ILDR1: variants seen among roughly 807,000 people sequenced by gnomAD.
The protein encoded by ILDR1 is immunoglobulin-like domain-containing receptor 1.
In ILDR1, 56 loss-of-function variants were observed where a neutral mutation model predicts 62.4. The observed-to-expected ratio is 0.90, with a 90% CI of 0.72 to 1.12. The LOEUF (loss-of-function observed/expected upper bound fraction) is 1.12, where lower values mean the gene tolerates loss of function less well. Among genes scored for constraint, ILDR1 ranks in the 50% most tolerant of loss-of-function variants. The pLI, the probability that ILDR1 is intolerant of heterozygous loss-of-function variation, is 0.00. For missense variants in ILDR1, 736 were observed against 710.6 expected, an observed-to-expected ratio of 1.04 and a Z score of -0.41; for synonymous variants, 284 against 277.8, an observed-to-expected ratio of 1.02 and a Z score of -0.22.
At chr3:122,007,812 TTC>T (rs2071638421) in intron 1 of ILDR1, among the ~76,000 whole-genome samples, 1 of 152,208 alleles carries the variant, frequency 6.6e-6, no homozygotes, top group Non-Finnish European at 1.5e-5. Flanking sequence ...GGGTTTCTAC[TTC>T]TGTCTACCCC....
intron 5 of ILDR1, among the ~76,000 whole-genome samples, chr3:121,995,293 G>A (rs1184997405): frequency 6.6e-6 from 1 of 152,212 alleles, no homozygotes; most frequent in Non-Finnish European, 1.5e-5. Flanking sequence ...GCCTCAGTGT[G>A]AACGAGGTTA....
the ILDR1 span, among the ~76,000 whole-genome samples, chr3:122,056,590 C>T: frequency 6.6e-6 from 1 of 152,168 alleles, no homozygotes. Context: ...CCTCGGCCTC[C>T]CAAAGTGCTG....
At chr3:122,027,963 C>A in the ILDR1 span, among the ~76,000 whole-genome samples, 2 of 152,138 alleles carry the variant, frequency 1.3e-5, no homozygotes, top group African/African-American at 4.8e-5. Context: ...TCTTTGGGAT[C>A]TGATGCTATC....
In ILDR1 at chr3:121,993,872, G is replaced by T. The variant is rs534416684; in HGVS notation, c.877C>A (p.Leu293Met). ...NGVLEYLEKELRNLNLAQPLP... is the reference protein window; with the variant it reads ...NGVLEYLEKEMRNLNLAQPLP... ...GGCTGGGCCAGGTTGAGGTTCCGCA[G>T]TTCTTTCTCCAAATACTCCAGGACA... The change falls in exon 7 of 8, where the codon CTG (leucine) becomes ATG (methionine). Residue 293 changes from leucine (L) to methionine (M), a missense_variant. Leu to Met is a conservative substitution (Grantham distance 15). Transcript: ENST00000344209. 6.2e-7 allele frequency: 1 copy of T among 1,614,130 alleles called. No homozygotes were observed. Among genetic ancestry groups the T allele is most frequent in the South Asian group, 1.1e-5 (1 of 91,082 alleles).
the ILDR1 span, among the ~76,000 whole-genome samples, chr3:122,030,772 T>C: frequency 6.6e-6 from 1 of 152,154 alleles, no homozygotes; most frequent in African/African-American, 2.4e-5. Context: ...AAATATCCTA[T>C]TCTTTCCAGC....
the ILDR1 span, among the ~76,000 whole-genome samples, chr3:122,054,092 G>C: frequency 6.6e-6 from 1 of 152,136 alleles, no homozygotes; most frequent in African/African-American, 2.4e-5. Flanking sequence ...CTTATTTGAA[G>C]ATTAATAATT....
the ILDR1 span, among the ~76,000 whole-genome samples, chr3:122,045,913 T>C: frequency 1.4e-4 from 21 of 151,452 alleles, 1 homozygote; most frequent in East Asian, 9.6e-4. Context: ...ATTTAGTCCA[T>C]TTACATTTAA....
chr3:122,026,435 G>A (rs2071921704), upstream of ILDR1, among the ~76,000 whole-genome samples: 1 of 152,202 alleles, frequency 6.6e-6, no homozygotes, highest in South Asian at 2.1e-4. Flanking sequence ...TGTGGGGGTT[G>A]AGACAAGGAT....
Position 121,993,381 on chromosome 3 carries a change from A to G in ILDR1, c.1368T>C (p.Thr456=). The G allele has an allele frequency of 6.2e-7, 1 of 1,611,850 alleles. No homozygotes were observed. Among genetic ancestry groups the G allele is most frequent in the East Asian group, 2.2e-5 (1 of 44,832 alleles). Residue 456 remains threonine (T), a synonymous_variant, in exon 7 of 8, where the codon ACT becomes ACC. Coordinates refer to ENST00000344209, the MANE Select transcript of ILDR1 (RefSeq NM_001199799.2). ...GCCTGCGTCGTCTCCCGTGCCTCTG[A>G]GTGCTCTCCCGGGGGCTGGGCCTGC... ...RPRRPSPRES[T]QRHGRRRRHR...
At chr3:122,016,357 C>T (rs996259324) in intron 1 of ILDR1, among the ~76,000 whole-genome samples, 4 of 152,212 alleles carry the variant, frequency 2.6e-5, no homozygotes, top group African/African-American at 4.8e-5. Flanking sequence ...ATAAGCACCA[C>T]GGGGGCCAGG....
chr3:122,049,299 TCTATTAAAAA>T, the ILDR1 span, among the ~76,000 whole-genome samples: 1 of 152,196 alleles, frequency 6.6e-6, no homozygotes, highest in Admixed American at 6.5e-5. Context: ...CAGCATGTGA[TCTATTAAAAA>T]AAAATGTTCT....
chr3:121,987,510 G>A lies in ILDR1; in HGVS notation c.*857C>T, dbSNP rs1376773167. 2 of 152,174 alleles carry A rather than the reference G, an allele frequency of 1.3e-5. No homozygotes were observed. Among genetic ancestry groups the A allele is most frequent in the African/African-American group, 4.8e-5 (2 of 41,404 alleles). The allele number at this position is 152,174 out of a possible 1,614,324, so 9.4% of individuals were successfully genotyped here. ...AGAGGAAAACAAGGCACAGGAATAA[G>A]GCTGGTGCAAAACTGCTTCTCTGTG... On this transcript the variant is annotated 3_prime_UTR_variant, in exon 8 of 8. Coordinates refer to ENST00000344209, the MANE Select transcript of ILDR1 (RefSeq NM_001199799.2).
At chr3:122,029,020 G>A in the ILDR1 span, among the ~76,000 whole-genome samples, 1 of 152,166 alleles carries the variant, frequency 6.6e-6, no homozygotes, top group Non-Finnish European at 1.5e-5. Context: ...ACAGAGTGGT[G>A]TTTATTCACG....
rs377097630 is a variant in ILDR1, at chr3:121,993,888, C to T, written c.861G>A (p.Glu287=). ...NQPPIANGVL[E]YLEKELRNLN... ...GGTTCCGCAGTTCTTTCTCCAAATA[C>T]TCCAGGACACCATTGGCGATGGGAG... Residue 287 remains glutamate, a synonymous_variant, in exon 7 of 8, where the codon GAG becomes GAA. Coordinates refer to ENST00000344209, the MANE Select transcript of ILDR1 (RefSeq NM_001199799.2). The T allele has an allele frequency of 6.2e-5, 100 of 1,613,964 alleles. No individual in the cohort carries two copies. The highest frequency in any genetic ancestry group is 1.6e-4 in the Middle Eastern group (1 of 6,084).
the ILDR1 span, among the ~76,000 whole-genome samples, chr3:122,053,020 G>A: frequency 6.6e-6 from 1 of 152,202 alleles, no homozygotes; most frequent in Admixed American, 6.5e-5. Flanking sequence ...ACTGGCTTCA[G>A]TGCAGTTGTT....
chr3:122,047,591 G>A, the ILDR1 span, among the ~76,000 whole-genome samples: 3 of 152,146 alleles, frequency 2.0e-5, no homozygotes, highest in Non-Finnish European at 2.9e-5. Flanking sequence ...GACCCTCCGA[G>A]CCAGGTGTGG....
the ILDR1 span, among the ~76,000 whole-genome samples, chr3:122,031,165 T>C: frequency 6.6e-6 from 1 of 152,194 alleles, no homozygotes; most frequent in Non-Finnish European, 1.5e-5. Flanking sequence ...TCTCCGGACA[T>C]TGCCACAAGT....
At chr3:122,057,615 T>TA in the ILDR1 span, among the ~76,000 whole-genome samples, 1 of 152,100 alleles carries the variant, frequency 6.6e-6, no homozygotes, top group Non-Finnish European at 1.5e-5. Flanking sequence ...ATTTAAGATT[T>TA]AAAAAAAACA....
In ILDR1 at chr3:121,988,101, C is replaced by T. The variant is rs181628071; in HGVS notation, c.*266G>A. ...CTAATTTTTATATTTTTTGTAGAGA[C>T]GGGGTCTCACTATGTTTCCCAGGCT... On this transcript the variant is annotated 3_prime_UTR_variant, in exon 8 of 8. Coordinates refer to ENST00000344209, the MANE Select transcript of ILDR1 (RefSeq NM_001199799.2). 48 of 527,650 alleles carry T rather than the reference C, an allele frequency of 9.1e-5. No individual in the cohort carries two copies. In the Middle Eastern group the frequency reaches 1.6e-3, roughly 18 times the overall value. 32.7% of individuals were successfully genotyped at this position (527,650 alleles called of 1,614,324 possible).
Sources: allele counts gnomAD v4.1 joint callset (sites outside exome capture counted in the v4.1 genomes callset), GRCh38; gene constraint gnomAD v4.1.1; transcripts MANE v1.5; gene names NCBI Gene and HGNC (gene_info 2026-07-23, HGNC 2026-07-21).